KCNH8: variants seen among roughly 807,000 people sequenced by gnomAD.
KCNH8 encodes voltage-gated delayed rectifier potassium channel KCNH8.
A neutral mutation model predicts 103.6 loss-of-function variants in KCNH8; 70 were observed. The observed-to-expected ratio is 0.68, with a 90% CI of 0.56 to 0.82. The LOEUF is 0.82. Ranked by LOEUF, KCNH8 falls within the 40% of genes least tolerant of loss-of-function variation. KCNH8 has a pLI of 0.00. For synonymous variants in KCNH8, 498 were observed against 489.4 expected (o/e 1.02, Z -0.23); for missense variants, 1,217 against 1,329.9 (o/e 0.92, Z 1.32).
rs184647239 is a variant in KCNH8, at chr3:19,382,445, C to G, written c.812-8036C>G. ...TACATGATGACCAAAATAGTTAATA[C>G]ATAGAAAGTACTTAAACAATTCCTC... On this transcript the variant is annotated intron_variant, in intron 5 of 15. Transcript: ENST00000328405. Among the ~76,000 whole-genome samples the G allele has an allele frequency of 1.1e-3, 164 of 152,220 alleles. 1 individual carries two copies. The highest frequency in any genetic ancestry group is 0.011 in the Admixed American group (163 of 15,290).
At chr3:19,528,054 C>T (rs1345370376) in intron 15 of KCNH8, among the ~76,000 whole-genome samples, 5 of 151,092 alleles carry the variant, frequency 3.3e-5, no homozygotes, top group Admixed American at 3.3e-4. Context: ...AAATTCCAGG[C>T]TGATGGATTC....
intron 11 of KCNH8, among the ~76,000 whole-genome samples, chr3:19,491,779 G>A (rs569816609): frequency 2.6e-4 from 40 of 152,256 alleles, no homozygotes; most frequent in Non-Finnish European, 3.7e-4. Context: ...TGCAGTGGCC[G>A]ACCTAATTTA....
At chr3:19,516,198 T>C (rs1180654147) in intron 14 of KCNH8, among the ~76,000 whole-genome samples, 1 of 152,092 alleles carries the variant, frequency 6.6e-6, no homozygotes, top group Non-Finnish European at 1.5e-5. Flanking sequence ...CACCAAGTTC[T>C]AAAATCCTTG....
chr3:19,345,441 A>T (rs1250095278), intron 4 of KCNH8, among the ~76,000 whole-genome samples: 1 of 152,106 alleles, frequency 6.6e-6, no homozygotes, highest in Non-Finnish European at 1.5e-5. Context: ...GTTAACTAGT[A>T]TGTTTCAATA....
intron 5 of KCNH8, among the ~76,000 whole-genome samples, chr3:19,373,616 T>TG (rs1404693770): frequency 2.0e-5 from 3 of 152,124 alleles, no homozygotes; most frequent in Non-Finnish European, 2.9e-5. Context: ...CCTTCAGTTC[T>TG]GCTCTGATCT....
intron 11 of KCNH8, among the ~76,000 whole-genome samples, chr3:19,465,663 T>TCGGAA (rs2067720380): frequency 1.3e-5 from 2 of 151,296 alleles, no homozygotes; most frequent in Admixed American, 1.3e-4. Context: ...TTGAAAACAC[T>TCGGAA]CTGGAAAAAT....
intron 5 of KCNH8, among the ~76,000 whole-genome samples, chr3:19,354,925 A>T (rs143438921): frequency 2.0e-4 from 30 of 152,334 alleles, no homozygotes; most frequent in African/African-American, 6.7e-4. Context: ...AAAAGAAACT[A>T]CCATCAGAGT....
intron 7 of KCNH8, among the ~76,000 whole-genome samples, chr3:19,400,034 T>C (rs1440634917): frequency 6.6e-6 from 1 of 151,704 alleles, no homozygotes; most frequent in African/African-American, 2.4e-5. Flanking sequence ...TAACTTCCCC[T>C]GCACCTCTGA....
chr3:19,217,972 C>G (rs1293674843), intron 1 of KCNH8, among the ~76,000 whole-genome samples: 2 of 152,156 alleles, frequency 1.3e-5, no homozygotes, highest in African/African-American at 4.8e-5. Context: ...AAGGACTTCT[C>G]TAAAGAACCT....
At chr3:19,304,154 G>C (rs2065099013) in intron 3 of KCNH8, among the ~76,000 whole-genome samples, 1 of 152,102 alleles carries the variant, frequency 6.6e-6, no homozygotes, top group Non-Finnish European at 1.5e-5. Flanking sequence ...ATAAGGCTTT[G>C]GAAGAAGATT....
intron 3 of KCNH8, among the ~76,000 whole-genome samples, chr3:19,298,799 G>A (rs1439604731): frequency 1.3e-5 from 2 of 151,938 alleles, no homozygotes; most frequent in African/African-American, 2.4e-5. Flanking sequence ...GCGGGTGCCT[G>A]TAGTCCCAGC....
chr3:19,473,874 A>G (rs896787419), intron 11 of KCNH8, among the ~76,000 whole-genome samples: 1 of 151,506 alleles, frequency 6.6e-6, no homozygotes, highest in Non-Finnish European at 1.5e-5. Flanking sequence ...CAACCTGCAA[A>G]TATTTTACCT....
intron 3 of KCNH8, among the ~76,000 whole-genome samples, chr3:19,337,949 G>A (rs2065605981): frequency 6.6e-6 from 1 of 151,692 alleles, no homozygotes. Flanking sequence ...AAGAGGGTGA[G>A]GGAGACAGAA....
chr3:19,498,788 T>G (rs1403949756), intron 11 of KCNH8, among the ~76,000 whole-genome samples: 2 of 152,174 alleles, frequency 1.3e-5, no homozygotes, highest in African/African-American at 4.8e-5. Context: ...TTTGTTAGTT[T>G]TCCTTCTAAC....
At chr3:19,231,075 G>A (rs1320710084) in intron 1 of KCNH8, among the ~76,000 whole-genome samples, 1 of 151,982 alleles carries the variant, frequency 6.6e-6, no homozygotes, top group Admixed American at 6.6e-5. Context: ...TATATCCAAG[G>A]TGTGGGCTAT....
intron 11 of KCNH8, among the ~76,000 whole-genome samples, chr3:19,466,269 G>C (rs1212741085): frequency 6.6e-6 from 1 of 152,110 alleles, no homozygotes; most frequent in African/African-American, 2.4e-5. Flanking sequence ...TCTTGAGATG[G>C]AATCTACTCA....
intron 2 of KCNH8, among the ~76,000 whole-genome samples, chr3:19,260,430 A>G (rs1158439044): frequency 6.8e-6 from 1 of 146,332 alleles, no homozygotes; most frequent in Non-Finnish European, 1.5e-5. Context: ...AGTAAGAAAC[A>G]TTACTTACTT....
At chr3:19,248,538 A>C (rs1260302213) in intron 1 of KCNH8, among the ~76,000 whole-genome samples, 1 of 152,194 alleles carries the variant, frequency 6.6e-6, no homozygotes, top group African/African-American at 2.4e-5. Context: ...GAAATAGGTA[A>C]AAATATTTTT....
chr3:19,252,098 C>G (rs2064286176), intron 1 of KCNH8, among the ~76,000 whole-genome samples: 1 of 152,004 alleles, frequency 6.6e-6, no homozygotes, highest in African/African-American at 2.4e-5. Context: ...GTATCTAATT[C>G]ATTCATAGTG....
Sources: allele counts gnomAD v4.1 joint callset (sites outside exome capture counted in the v4.1 genomes callset), GRCh38; gene constraint gnomAD v4.1.1; transcripts MANE v1.5; gene names NCBI Gene and HGNC (gene_info 2026-07-23, HGNC 2026-07-21).